CATSPERB: variants seen among roughly 807,000 people sequenced by gnomAD.
CATSPERB encodes the protein cation channel sperm-associated auxiliary subunit beta.
A neutral mutation model predicts 128.3 loss-of-function variants in CATSPERB; 93 were observed. That is an observed-to-expected ratio of 0.72 (90% CI 0.61 to 0.86). CATSPERB has a LOEUF of 0.86. Among genes scored for constraint, CATSPERB ranks in the 40% least tolerant of loss-of-function variants. CATSPERB has a pLI of 0.00. For synonymous variants in CATSPERB, 381 were observed against 448.8 expected (o/e 0.85, Z 1.91); for missense variants, 1,153 against 1,329.5 (o/e 0.87, Z 2.06).
intron 10 of CATSPERB, among the ~76,000 whole-genome samples, chr14:91,686,154 CTCTT>C (rs1895371803): frequency 2.0e-5 from 3 of 152,198 alleles, no homozygotes; most frequent in African/African-American, 2.4e-5. Flanking sequence ...CTTCCCCTCA[CTCTT>C]TCTCTTACTC....
At chr14:91,588,418 C>T (rs2067779612) in intron 24 of CATSPERB, among the ~76,000 whole-genome samples, 1 of 152,124 alleles carries the variant, frequency 6.6e-6, no homozygotes, top group African/African-American at 2.4e-5. Context: ...GCCCCATGCT[C>T]AGGATCAGTC....
chr14:91,612,065 T>TTTCTTTCC (rs1893843850), intron 20 of CATSPERB, among the ~76,000 whole-genome samples: 1 of 35,430 alleles, frequency 2.8e-5, no homozygotes. Context: ...TCTTTCTTTC[T>TTTCTTTCC]TCCTTTTTTT....
intron 11 of CATSPERB, among the ~76,000 whole-genome samples, chr14:91,682,543 G>A (rs914247660): frequency 2.0e-5 from 3 of 152,084 alleles, no homozygotes; most frequent in Admixed American, 2.0e-4. Context: ...CCCTTCCCCC[G>A]GGGCTGCTTA....
chr14:91,600,581 T>TTA (rs1893592492), intron 22 of CATSPERB, among the ~76,000 whole-genome samples: 1 of 152,262 alleles, frequency 6.6e-6, no homozygotes, highest in Admixed American at 6.5e-5. Context: ...ATAGCAATTT[T>TTA]AAAGACACTT....
chr14:91,586,547 GAGAGAGAGAGAGAGAGAGAGAGAA>G (rs1893301144), intron 26 of CATSPERB, among the ~76,000 whole-genome samples: 1 of 98,390 alleles, frequency 1.0e-5, no homozygotes, highest in Admixed American at 1.1e-4. Flanking sequence ...GCCGGAACAG[GAGAGAGAGAGAGAGAGAGAGAGAA>G]AGAGAGAGAG....
intron 14 of CATSPERB, among the ~76,000 whole-genome samples, chr14:91,660,228 G>A (rs901190937): frequency 7.2e-5 from 11 of 151,734 alleles, no homozygotes; most frequent in African/African-American, 1.9e-4. Context: ...GCAGAGTACC[G>A]GTCTACACAA....
At chr14:91,592,287 A>G (rs1893423028) in intron 22 of CATSPERB, 2 of 402,252 alleles carry the variant, frequency 5.0e-6, no homozygotes, top group Non-Finnish European at 9.0e-6. Flanking sequence ...TGAATTCTGC[A>G]TCCCAGGACT....
chr14:91,707,236 T>C (rs995970507), intron 6 of CATSPERB, among the ~76,000 whole-genome samples: 16 of 152,172 alleles, frequency 1.1e-4, no homozygotes, highest in Admixed American at 1.0e-3. Context: ...CATCTCCACA[T>C]CTGGAGCTTT....
intron 26 of CATSPERB, among the ~76,000 whole-genome samples, chr14:91,582,246 A>G (rs991018095): frequency 6.6e-6 from 1 of 152,212 alleles, no homozygotes; most frequent in African/African-American, 2.4e-5. Context: ...ATAGCTTTTC[A>G]TTGTTGACAG....
intron 7 of CATSPERB, among the ~76,000 whole-genome samples, chr14:91,696,925 T>A (rs1171910202): frequency 6.6e-6 from 1 of 152,200 alleles, no homozygotes; most frequent in Non-Finnish European, 1.5e-5. Flanking sequence ...CAGTGGGGTT[T>A]CTATAATCAA....
At chr14:91,712,966 C>T (rs1249246366) in intron 5 of CATSPERB, among the ~76,000 whole-genome samples, 1 of 152,138 alleles carries the variant, frequency 6.6e-6, no homozygotes, top group Non-Finnish European at 1.5e-5. Context: ...TTTTCTTCCT[C>T]ATCAATATTA....
chr14:91,719,520 G>C (rs1364706237), intron 4 of CATSPERB, 42 bp from the exon 5 acceptor site: 1 of 1,419,442 alleles, frequency 7.0e-7, no homozygotes, highest in Admixed American at 1.7e-5. Flanking sequence ...TTTACAACAT[G>C]AATAACAACA....
At chr14:91,595,290 G>GTTTA (rs138277074) in intron 22 of CATSPERB, among the ~76,000 whole-genome samples, 1,671 of 150,302 alleles carry the variant, frequency 0.011, 40 homozygotes, top group African/African-American at 0.036. Flanking sequence ...CTCAGATAAG[G>GTTTA]TTTATTTATT....
intron 15 of CATSPERB, among the ~76,000 whole-genome samples, chr14:91,639,487 T>A (rs1190893288): frequency 6.6e-6 from 1 of 152,080 alleles, no homozygotes; most frequent in South Asian, 2.1e-4. Flanking sequence ...ACAGAGGGGA[T>A]GTTTAATTAA....
intron 22 of CATSPERB, 52 bp downstream of exon 22, chr14:91,608,242 T>C (rs2139774956): frequency 3.6e-6 from 4 of 1,123,366 alleles, no homozygotes; most frequent in Non-Finnish European, 5.4e-6. Flanking sequence ...TTTTACTGAA[T>C]GATTTCCTGA....
rs181773935 is a variant in CATSPERB, at chr14:91,676,174, G to C, written c.932-1952C>G. Among the ~76,000 whole-genome samples, 313 of 152,162 alleles carry C rather than the reference G, an allele frequency of 2.1e-3. 3 individuals carry two copies. The highest frequency in any genetic ancestry group is 6.7e-3 in the African/African-American group (280 of 41,498). The stretch of plus-strand genomic sequence containing the variant: ...GGAAATTAATTCTTTTACATGTTTG[G>C]CTCTCCTGACTGTGTGGCAAAATTT... On this transcript the variant is annotated intron_variant, in intron 11 of 26. Coordinates refer to ENST00000256343, the MANE Select transcript of CATSPERB (RefSeq NM_024764.4).
chr14:91,661,164 G>T (rs1894874008), intron 14 of CATSPERB, among the ~76,000 whole-genome samples: 1 of 152,156 alleles, frequency 6.6e-6, no homozygotes, highest in Admixed American at 6.5e-5. Context: ...GAGCAGGGAG[G>T]TAGTTAGGTG....
chr14:91,670,320 C>G (rs543801196), intron 13 of CATSPERB, among the ~76,000 whole-genome samples: 1 of 152,240 alleles, frequency 6.6e-6, no homozygotes, highest in South Asian at 2.1e-4. Flanking sequence ...TAAGCCACAC[C>G]CCAGTTCTAT....
intron 20 of CATSPERB, among the ~76,000 whole-genome samples, chr14:91,613,086 A>T (rs1893866350): frequency 2.6e-5 from 4 of 152,222 alleles, no homozygotes; most frequent in South Asian, 2.1e-4. Context: ...AAAGTATTTT[A>T]AAAAATTTTA....
Sources: allele counts gnomAD v4.1 joint callset (sites outside exome capture counted in the v4.1 genomes callset), GRCh38; gene constraint gnomAD v4.1.1; transcripts MANE v1.5; gene names NCBI Gene and HGNC (gene_info 2026-07-23, HGNC 2026-07-21).